The following HSF1 variants were observed in gnomAD, a reference collection of about 807,000 sequenced individuals.
HSF1 encodes the protein heat shock factor protein 1.
In HSF1, 32 loss-of-function variants were observed where a neutral mutation model predicts 51.7. The observed-to-expected ratio is 0.62, with a 90% CI of 0.47 to 0.83. The LOEUF is 0.83. HSF1 is among the 40% of genes least tolerant of loss of function. The probability of loss-of-function intolerance (pLI) is 0.00; values close to 1 mark genes in which losing one functional copy is unlikely to be tolerated. For synonymous variants in HSF1, 396 were observed against 309.7 expected, an observed-to-expected ratio of 1.28 and a Z score of -2.92; for missense variants, 727 against 717.0, an observed-to-expected ratio of 1.01 and a Z score of -0.16.
At chr8:144,296,623 G>A (rs1230024893) in intron 1 of HSF1, among the ~76,000 whole-genome samples, 2 of 152,116 alleles carry the variant, frequency 1.3e-5, no homozygotes, top group African/African-American at 2.4e-5. Context: ...TGGCTAACAT[G>A]GTGAAACCCC....
At chr8:144,300,494 A>G (rs782174217) in intron 1 of HSF1, among the ~76,000 whole-genome samples, 30 of 152,176 alleles carry the variant, frequency 2.0e-4, no homozygotes, top group Non-Finnish European at 3.7e-4. Context: ...TGGGCGCGTC[A>G]GCCACCGCGC....
chr8:144,306,677 C>G (rs1315811892), intron 1 of HSF1, among the ~76,000 whole-genome samples: 1 of 152,202 alleles, frequency 6.6e-6, no homozygotes, highest in Admixed American at 6.6e-5. Context: ...AACTGGAACT[C>G]TCATCGGTTG....
chr8:144,309,599 C>T lies in HSF1; in HGVS notation c.363+8C>T, dbSNP rs1554843911. ...AAGAGGAAAGTGACCAGTGTGAGTGCCGGCCCTGCACCCTTGCCCGGTCTC... is the reference window on the plus strand; with the variant it reads ...AAGAGGAAAGTGACCAGTGTGAGTGTCGGCCCTGCACCCTTGCCCGGTCTC... On this transcript the variant is annotated splice_region_variant and intron_variant, in intron 3 of 12. Transcript: ENST00000528838. 2 of 1,613,596 alleles carry T rather than the reference C, an allele frequency of 1.2e-6. No individual in the cohort carries two copies. Among genetic ancestry groups the T allele is most frequent in the South Asian group, 1.1e-5 (1 of 91,066 alleles).
intron 1 of HSF1, among the ~76,000 whole-genome samples, chr8:144,302,879 G>A (rs1195775825): frequency 3.3e-5 from 5 of 152,038 alleles, no homozygotes; most frequent in African/African-American, 1.2e-4. Flanking sequence ...AAAAAAGATA[G>A]ACAAATAGCA....
At chr8:144,309,279 G>A in intron 2 of HSF1, 176 bp from the exon 3 acceptor site, 3 of 805,846 alleles carry the variant, frequency 3.7e-6, no homozygotes, top group Non-Finnish European at 5.9e-6. Context: ...GCCCTGTGGG[G>A]ACACAGGGTC....
chr8:144,311,080 GCTC>G, intron 4 of HSF1, 91 bp from the exon 5 acceptor site: 2 of 1,185,656 alleles, frequency 1.7e-6, no homozygotes, highest in Admixed American at 4.2e-5. Context: ...ACTTACCCCT[GCTC>G]CTGCATGGGG....
chr8:144,298,607 A>G (rs1588630509), intron 1 of HSF1, among the ~76,000 whole-genome samples: 1 of 151,300 alleles, frequency 6.6e-6, no homozygotes, highest in African/African-American at 2.4e-5. Flanking sequence ...TCAAAAAAAA[A>G]AAAAGAAAGA....
intron 1 of HSF1, among the ~76,000 whole-genome samples, chr8:144,303,243 G>T (rs899922314): frequency 3.3e-5 from 5 of 152,034 alleles, no homozygotes; most frequent in African/African-American, 1.2e-4. Flanking sequence ...AGTAGTGGTA[G>T]TGTCTGAGGT....
rs1554845529 is a variant in HSF1, at chr8:144,313,598, C to T, written c.1230C>T (p.Asp410=). ...TMLSSHGFSV[D]TSALLDLFSP... is the part of the protein sequence containing the mutation. ...TGAGCAGCCACGGCTTCAGCGTGGA[C>T]ACCAGTGCCCTGCTGGACGTGAGTG... Residue 410 remains aspartate, a synonymous_variant, in exon 10 of 13, where the codon GAC becomes GAT. Coordinates refer to ENST00000528838, the MANE Select transcript of HSF1 (RefSeq NM_005526.4). The T allele has an allele frequency of 3.7e-6, 6 of 1,606,292 alleles. No homozygotes were observed. Among genetic ancestry groups the T allele is most frequent in the South Asian group, 2.2e-5 (2 of 90,934 alleles).
intron 1 of HSF1, among the ~76,000 whole-genome samples, chr8:144,306,473 C>T (rs552215614): frequency 7.2e-5 from 11 of 152,120 alleles, no homozygotes; most frequent in Non-Finnish European, 1.3e-4. Context: ...AGGGATCCTC[C>T]CTCCTCAGCC....
rs782522259 is a variant in HSF1 at position 144,309,761 on chromosome 8, C to G, written c.364-11C>G. The G allele has an allele frequency of 1.9e-6, 3 of 1,612,848 alleles. No individual in the cohort carries two copies. In the East Asian group the frequency reaches 6.7e-5, roughly 36 times the overall value. ...CTGCTCCAGTGACTCCTGTCCCTCT[C>G]GGGAATCCAGGTGTCCACCCTGAAG... is the stretch of plus-strand genomic sequence containing the variant. On this transcript the variant is annotated splice_polypyrimidine_tract_variant and intron_variant, in intron 3 of 12. Transcript: ENST00000528838.
chr8:144,294,267 C>A (rs1215233500), intron 1 of HSF1, among the ~76,000 whole-genome samples: 1 of 152,150 alleles, frequency 6.6e-6, no homozygotes, highest in South Asian at 2.1e-4. Context: ...AGGTGATCAT[C>A]CCATCCTGTG....
intron 2 of HSF1, 143 bp from the exon 3 acceptor site, chr8:144,309,312 G>C (rs545452598): frequency 8.4e-7 from 1 of 1,197,496 alleles, no homozygotes; most frequent in African/African-American, 1.5e-5. Context: ...AGGCCACTCG[G>C]CCACCCAGGC....
chr8:144,303,278 C>G (rs1324528342), intron 1 of HSF1, among the ~76,000 whole-genome samples: 4 of 152,070 alleles, frequency 2.6e-5, no homozygotes, highest in African/African-American at 7.2e-5. Flanking sequence ...CTGGCCCCAG[C>G]AGGGCTCTTC....
At position 144,292,235 on chromosome 8, in the gene HSF1, G is replaced by A. The variant is rs554799074; in HGVS notation, c.117+361G>A. Among the ~76,000 whole-genome samples the A allele has an allele frequency of 4.1e-4, 62 of 152,388 alleles. 1 individual carries two copies. Among genetic ancestry groups the A allele is most frequent in the African/African-American group, 1.4e-3 (60 of 41,592 alleles). ...CGCCAGCGGACGCTATGCCCCAGAGGACATCGGCGTCCCCAGGGGACAGCC... is the reference window on the plus strand; with the variant it reads ...CGCCAGCGGACGCTATGCCCCAGAGAACATCGGCGTCCCCAGGGGACAGCC... On this transcript the variant is annotated intron_variant, in intron 1 of 12. Transcript: ENST00000528838.
Position 144,297,395 on chromosome 8 carries a change from G to A in HSF1, c.117+5521G>A, listed in dbSNP as rs782409714. On this transcript the variant is annotated intron_variant, in intron 1 of 12. Transcript: ENST00000528838. This position sits in a 1 kb window ranked among gnomAD's most constrained non-coding sequence, Gnocchi z 4.6. ...ACACTTGTGCACGGCAGCCAGTGACGAGATGTGATGAGAGATGAGGGCGAT... is the reference window on the plus strand; with the variant it reads ...ACACTTGTGCACGGCAGCCAGTGACAAGATGTGATGAGAGATGAGGGCGAT... Among the ~76,000 whole-genome samples, 1 of 152,222 alleles carries A rather than the reference G, an allele frequency of 6.6e-6. No homozygotes were observed. Among genetic ancestry groups the A allele is most frequent in the Non-Finnish European group, 1.5e-5 (1 of 68,044 alleles).
At chr8:144,311,446 G>C (rs560389827) in intron 6 of HSF1, 59 bp from the exon 7 acceptor site, 7 of 1,612,638 alleles carry the variant, frequency 4.3e-6, no homozygotes, top group East Asian at 2.2e-5. Context: ...TTCTCTGTCA[G>C]CTGTGCCCCG....
At chr8:144,307,223 C>T (rs1163513118) in intron 1 of HSF1, among the ~76,000 whole-genome samples, 1 of 152,258 alleles carries the variant, frequency 6.6e-6, no homozygotes, top group African/African-American at 2.4e-5. Context: ...AACAGGCACA[C>T]CTCGGCAAAC....
In HSF1 at chr8:144,311,760, G is replaced by C. The variant is rs1816679808; in HGVS notation, c.784G>C (p.Gly262Arg). Residue 262 changes from glycine to arginine, a missense_variant, in exon 8 of 13, where the codon GGA (glycine) becomes CGA (arginine). Gly to Arg is a moderately radical substitution (Grantham distance 125, BLOSUM62 -2). Transcript: ENST00000528838. ...CGCCCCTGATGCTGTGGCCAGCTCT[G>C]GACCCATCATCTCCGACATCACCGA... is the stretch of plus-strand genomic sequence containing the variant. ...LYAPDAVASS[G>R]PIISDITELA... 1 of 1,612,804 alleles carries C rather than the reference G, an allele frequency of 6.2e-7. No individual in the cohort carries two copies. Among genetic ancestry groups the C allele is most frequent in the Non-Finnish European group, 8.5e-7 (1 of 1,179,836 alleles).
Sources: allele counts gnomAD v4.1 joint callset (sites outside exome capture counted in the v4.1 genomes callset), GRCh38; gene constraint gnomAD v4.1.1; non-coding constraint Gnocchi (gnomAD v3.1); transcripts MANE v1.5; gene names NCBI Gene and HGNC (gene_info 2026-07-23, HGNC 2026-07-21).